Variants in ELP3 observed in about 807,000 individuals in gnomAD.
ELP3 encodes the protein elongator acetyltransferase complex subunit 3, also known as elongator complex protein 3.
Under a neutral mutation model 74.9 loss-of-function variants are expected in ELP3, and 56 were observed. The observed-to-expected ratio is 0.75, with a 90% CI of 0.60 to 0.93. The LOEUF is 0.93. Among genes scored for constraint, ELP3 ranks in the 40% least tolerant of loss-of-function variants. The pLI is 0.00. For synonymous variants in ELP3, 222 were observed against 239.8 expected (o/e 0.93, Z 0.68); for missense variants, 573 against 686.5 (o/e 0.83, Z 1.85).
chr8:28,106,915 A>T, intron 4 of ELP3, 132 bp downstream of exon 4: 2 of 645,528 alleles, frequency 3.1e-6, no homozygotes, highest in Non-Finnish European at 5.2e-6. Flanking sequence ...TACTCCTTTC[A>T]AACAAGCAAC....
chr8:28,108,637 A>G (rs977302385), intron 5 of ELP3, among the ~76,000 whole-genome samples: 1 of 151,912 alleles, frequency 6.6e-6, no homozygotes, highest in Non-Finnish European at 1.5e-5. Context: ...TTGTATTTTT[A>G]GTAGAGACAA....
At chr8:28,100,972 T>C (rs189843061) in intron 3 of ELP3, among the ~76,000 whole-genome samples, 16 of 152,320 alleles carry the variant, frequency 1.1e-4, no homozygotes, top group African/African-American at 3.8e-4. Flanking sequence ...CCAGGCAGCT[T>C]GTGTTGACTT....
intron 8 of ELP3, among the ~76,000 whole-genome samples, chr8:28,131,892 A>G (rs985786324): frequency 2.0e-5 from 3 of 152,190 alleles, no homozygotes; most frequent in Admixed American, 6.5e-5. Context: ...TTTTGAGCTC[A>G]TTTTAATTTT....
At chr8:28,120,263 A>G (rs1390325086) in intron 7 of ELP3, among the ~76,000 whole-genome samples, 1 of 152,018 alleles carries the variant, frequency 6.6e-6, no homozygotes, top group African/African-American at 2.4e-5. Flanking sequence ...CACTCTTTTT[A>G]ATTTTAGCCA....
At chr8:28,100,482 G>A (rs904667444) in intron 3 of ELP3, among the ~76,000 whole-genome samples, 11 of 152,208 alleles carry the variant, frequency 7.2e-5, no homozygotes, top group African/African-American at 2.4e-4. Flanking sequence ...GGACACAGGG[G>A]CTAAGGCACA....
chr8:28,141,674 G>GA (rs1813243274), intron 10 of ELP3, among the ~76,000 whole-genome samples: 1 of 152,182 alleles, frequency 6.6e-6, no homozygotes, highest in Non-Finnish European at 1.5e-5. Flanking sequence ...AATAGTTCAG[G>GA]AAAATAATTA....
chr8:28,181,952 T>C (rs1460423270), intron 14 of ELP3, among the ~76,000 whole-genome samples: 1 of 116,570 alleles, frequency 8.6e-6, no homozygotes, highest in Non-Finnish European at 2.0e-5. Context: ...AGCTATCAAG[T>C]GGTTTTCTTT....
chr8:28,093,125 C>T (rs1485883683), upstream of ELP3: 17 of 1,576,798 alleles, frequency 1.1e-5, no homozygotes, highest in Non-Finnish European at 1.5e-5. Flanking sequence ...TTACGACAGG[C>T]GGGATTGTTT....
chr8:28,130,516 T>G (rs944264873), intron 8 of ELP3, among the ~76,000 whole-genome samples: 1 of 152,178 alleles, frequency 6.6e-6, no homozygotes, highest in African/African-American at 2.4e-5. Flanking sequence ...TAGAGATCTG[T>G]TGAATATTTT....
At chr8:28,095,483 C>G (rs779603471) in intron 1 of ELP3, among the ~76,000 whole-genome samples, 4 of 152,158 alleles carry the variant, frequency 2.6e-5, no homozygotes, top group Non-Finnish European at 4.4e-5. Flanking sequence ...CCAGTCCTAC[C>G]TCTGTTGCAT....
intron 10 of ELP3, among the ~76,000 whole-genome samples, chr8:28,144,894 T>A (rs1236657869): frequency 6.6e-6 from 1 of 152,050 alleles, no homozygotes; most frequent in Non-Finnish European, 1.5e-5. Flanking sequence ...CAAAAAAAAT[T>A]AGCTGAGTGT....
chr8:28,134,960 G>T (rs894019364), intron 9 of ELP3, among the ~76,000 whole-genome samples: 2 of 149,640 alleles, frequency 1.3e-5, no homozygotes, highest in African/African-American at 2.5e-5. Context: ...ACGGAGTCTC[G>T]CACTGTCATT....
intron 10 of ELP3, among the ~76,000 whole-genome samples, chr8:28,141,438 A>G (rs1346415855): frequency 6.6e-6 from 1 of 152,248 alleles, no homozygotes; most frequent in South Asian, 2.1e-4. Context: ...CTACACAGAC[A>G]TGACAATTAA....
At position 28,132,427 on chromosome 8, in the gene ELP3, G is replaced by A. The variant is rs368068287; in HGVS notation, c.906+23G>A. 12 of 1,613,572 alleles carry A rather than the reference G, an allele frequency of 7.4e-6. No homozygotes were observed. The African/African-American group carries it at 1.1e-4, about 14-fold the overall frequency. ...ACAGTAAGTGTGACTTCAGCCAGGC[G>A]CATTCAGAATGGCTCTGCATGTTTC... On this transcript the variant is annotated intron_variant, in intron 9 of 14. Transcript: ENST00000256398.
At chr8:28,103,289 T>C (rs1486360236) in intron 3 of ELP3, among the ~76,000 whole-genome samples, 1 of 152,220 alleles carries the variant, frequency 6.6e-6, no homozygotes, top group Admixed American at 6.5e-5. Context: ...TAAAGTTTGC[T>C]TTTTCCAGAG....
At chr8:28,125,061 A>C (rs1449778291) in intron 7 of ELP3, among the ~76,000 whole-genome samples, 6 of 152,168 alleles carry the variant, frequency 3.9e-5, no homozygotes, top group South Asian at 2.1e-4. Flanking sequence ...CAGAACTTCA[A>C]ATTTTATTGA....
intron 9 of ELP3, among the ~76,000 whole-genome samples, chr8:28,133,327 G>A (rs1317062691): frequency 1.3e-5 from 2 of 151,870 alleles, no homozygotes; most frequent in Non-Finnish European, 2.9e-5. Flanking sequence ...TTTTAGGTAA[G>A]GAGATTATGG....
chr8:28,154,447 T>C (rs1253746578), intron 10 of ELP3, among the ~76,000 whole-genome samples: 1 of 152,230 alleles, frequency 6.6e-6, no homozygotes, highest in Non-Finnish European at 1.5e-5. Flanking sequence ...CTGTGTATGA[T>C]GTTTTAAATT....
intron 7 of ELP3, among the ~76,000 whole-genome samples, chr8:28,128,233 G>C (rs1038966131): frequency 6.6e-6 from 1 of 152,062 alleles, no homozygotes; most frequent in Non-Finnish European, 1.5e-5. Flanking sequence ...CAGCACTTTG[G>C]GGGGCCGAAG....
Sources: gnomAD v4.1 joint callset for allele counts (sites outside exome capture counted in the v4.1 genomes callset) on GRCh38, gnomAD v4.1.1 for gene constraint, MANE v1.5 for transcripts, NCBI Gene and HGNC (gene_info 2026-07-23, HGNC 2026-07-21) for gene names.